Variants in CNTNAP2 observed in about 807,000 individuals in gnomAD.
CNTNAP2 encodes the protein contactin associated protein 2.
CNTNAP2 carries 98 observed loss-of-function variants against 155.2 expected under a neutral mutation model. That is an observed-to-expected ratio of 0.63 (90% CI 0.54 to 0.75). The LOEUF (loss-of-function observed/expected upper bound fraction) is 0.75. CNTNAP2 is among the 30% of genes least tolerant of loss of function. The pLI is 0.00. For missense variants in CNTNAP2, 1,727 were observed against 1,688.1 expected (o/e 1.02, Z -0.40); for synonymous variants, 651 against 631.2 (o/e 1.03, Z -0.47).
chr7:147,122,245 A>G (rs1801133366), intron 6 of CNTNAP2: 1 of 152,298 alleles, frequency 6.6e-6, no homozygotes, highest in Non-Finnish European at 1.5e-5. Context: ...ATAACACTAT[A>G]CATACAAAAG....
intron 13 of CNTNAP2, among the ~76,000 whole-genome samples, chr7:147,866,672 A>G (rs897622894): frequency 1.3e-5 from 2 of 151,728 alleles, no homozygotes; most frequent in Non-Finnish European, 2.9e-5. Context: ...CTTTACCATT[A>G]TGAAATGGCC....
chr7:146,581,916 A>G (rs1417580844), intron 1 of CNTNAP2, among the ~76,000 whole-genome samples: 1 of 152,102 alleles, frequency 6.6e-6, no homozygotes, highest in African/African-American at 2.4e-5. Context: ...AATTGATAAG[A>G]TAAGGATATT....
intron 21 of CNTNAP2, among the ~76,000 whole-genome samples, chr7:148,327,484 T>C (rs2116549217): frequency 6.6e-6 from 1 of 152,338 alleles, no homozygotes; most frequent in Admixed American, 6.5e-5. Context: ...CAAGTGCTAT[T>C]GAACACACCT....
In CNTNAP2 at chr7:146,528,467, A is replaced by T. The variant is rs189319599; in HGVS notation, c.98-245804A>T. On this transcript the variant is annotated intron_variant, in intron 1 of 23. Coordinates refer to ENST00000361727, the MANE Select transcript of CNTNAP2 (RefSeq NM_014141.6). ...AAATACAATTGAGATTTATAGGCTCAGAAGTTACCATTAGTAATATTCAAG... is the reference window on the plus strand; with the variant it reads ...AAATACAATTGAGATTTATAGGCTCTGAAGTTACCATTAGTAATATTCAAG... Among the ~76,000 whole-genome samples the T allele has an allele frequency of 2.6e-5, 4 of 152,364 alleles. No individual in the cohort carries two copies. In the East Asian group the frequency reaches 7.7e-4, roughly 29 times the overall value.
chr7:148,299,486 A>T (rs939056319), intron 21 of CNTNAP2, among the ~76,000 whole-genome samples: 1 of 152,186 alleles, frequency 6.6e-6, no homozygotes, highest in Non-Finnish European at 1.5e-5. Flanking sequence ...TCTGCACAGG[A>T]CAGGATGCAC....
intron 1 of CNTNAP2, among the ~76,000 whole-genome samples, chr7:146,773,495 A>G (rs573177972): frequency 6.6e-6 from 1 of 152,188 alleles, no homozygotes; most frequent in Non-Finnish European, 1.5e-5. Flanking sequence ...TGCCAGGTTC[A>G]AGCAATTCTC....
intron 15 of CNTNAP2, among the ~76,000 whole-genome samples, chr7:148,029,066 T>A (rs1218777933): frequency 1.3e-5 from 2 of 151,188 alleles, no homozygotes; most frequent in African/African-American, 4.9e-5. Context: ...TGAAAAAGAT[T>A]GTGCCCTACC....
chr7:146,952,569 C>T (rs749760411), intron 3 of CNTNAP2, among the ~76,000 whole-genome samples: 1 of 152,154 alleles, frequency 6.6e-6, no homozygotes, highest in Non-Finnish European at 1.5e-5. Context: ...TGATAAGCAA[C>T]TTCGGCGAAG....
At chr7:146,172,841 G>A (rs1482709191) in intron 1 of CNTNAP2, among the ~76,000 whole-genome samples, 1 of 152,118 alleles carries the variant, frequency 6.6e-6, no homozygotes, top group Admixed American at 6.6e-5. Flanking sequence ...ATATTCTGCA[G>A]GGGAAGATCA....
intron 21 of CNTNAP2, among the ~76,000 whole-genome samples, chr7:148,358,500 G>A (rs1798560902): frequency 6.6e-6 from 1 of 152,126 alleles, no homozygotes; most frequent in Non-Finnish European, 1.5e-5. Flanking sequence ...TGGCCTGCCT[G>A]TTCACCCGCT....
intron 13 of CNTNAP2, among the ~76,000 whole-genome samples, chr7:147,691,313 C>T (rs143423164): frequency 0.016 from 2,503 of 152,148 alleles, 222 homozygotes; most frequent in Admixed American, 0.15. Flanking sequence ...TTCAGTTTGA[C>T]AGTCAAAAAA....
chr7:146,712,859 A>C (rs147805206), intron 1 of CNTNAP2, among the ~76,000 whole-genome samples: 4 of 151,984 alleles, frequency 2.6e-5, no homozygotes, highest in Admixed American at 2.6e-4. Flanking sequence ...CATACATTTT[A>C]GATGGTCTGC....
chr7:147,070,179 A>G (rs1799863078), intron 4 of CNTNAP2, among the ~76,000 whole-genome samples: 2 of 152,180 alleles, frequency 1.3e-5, no homozygotes, highest in African/African-American at 2.4e-5. Flanking sequence ...CTTTGTTTTC[A>G]CTTTAAAGAA....
intron 15 of CNTNAP2, among the ~76,000 whole-genome samples, chr7:148,023,927 G>A (rs1802329708): frequency 6.6e-6 from 1 of 152,016 alleles, no homozygotes; most frequent in South Asian, 2.1e-4. Context: ...TGGTGAAGAA[G>A]GGAAAGGCCA....
At chr7:148,150,926 C>T (rs1805284880) in intron 17 of CNTNAP2, among the ~76,000 whole-genome samples, 1 of 151,630 alleles carries the variant, frequency 6.6e-6, no homozygotes, top group African/African-American at 2.4e-5. Flanking sequence ...CCCTATGTTG[C>T]CCAGGCTGAT....
At chr7:148,288,523 T>TAA (rs1797130866) in intron 21 of CNTNAP2, among the ~76,000 whole-genome samples, 1 of 152,182 alleles carries the variant, frequency 6.6e-6, no homozygotes, top group Non-Finnish European at 1.5e-5. Context: ...ATTTAGAGAT[T>TAA]AAGTGTCCAA....
intron 1 of CNTNAP2, among the ~76,000 whole-genome samples, chr7:146,590,686 C>T (rs1165101388): frequency 1.3e-5 from 2 of 152,164 alleles, no homozygotes; most frequent in Non-Finnish European, 2.9e-5. Flanking sequence ...ATTTATTCAG[C>T]ATCCCCAAAG....
intron 3 of CNTNAP2, among the ~76,000 whole-genome samples, chr7:146,976,512 GGAAA>G (rs1797914580): frequency 6.6e-6 from 1 of 152,108 alleles, no homozygotes. Flanking sequence ...CAGAACTCAG[GGAAA>G]GACTTATTTA....
chr7:146,915,880 C>T (rs1003118154), intron 3 of CNTNAP2: 2 of 152,272 alleles, frequency 1.3e-5, no homozygotes, highest in African/African-American at 4.8e-5. Context: ...TGAAAGTGGG[C>T]ATCCTTGCCT....
Sources: gnomAD v4.1 joint callset for allele counts (sites outside exome capture counted in the v4.1 genomes callset) on GRCh38, gnomAD v4.1.1 for gene constraint, MANE v1.5 for transcripts, NCBI Gene and HGNC (gene_info 2026-07-23, HGNC 2026-07-21) for gene names.